The following UNC13C variants were observed in gnomAD, a reference collection of about 807,000 sequenced individuals.
UNC13C encodes the protein unc-13 homolog C, also known as protein unc-13 homolog C.
In UNC13C, 174 loss-of-function variants were observed where a neutral mutation model predicts 245.4. That is an observed-to-expected ratio of 0.71 (90% CI 0.63 to 0.80). UNC13C has a LOEUF of 0.80. UNC13C is among the 30% of genes least tolerant of loss of function. UNC13C has a pLI of 0.00. For synonymous variants in UNC13C, 992 were observed against 895.1 expected, an observed-to-expected ratio of 1.11 and a Z score of -1.93; for missense variants, 2,829 against 2,602.9, an observed-to-expected ratio of 1.09 and a Z score of -1.89.
At chr15:54,606,378 G>A (rs142640754) in intron 30 of UNC13C, among the ~76,000 whole-genome samples, 36 of 152,282 alleles carry the variant, frequency 2.4e-4, no homozygotes, top group African/African-American at 7.5e-4. Flanking sequence ...AGATGCATGT[G>A]TTCCATATTT....
chr15:53,929,285 C>A, the UNC13C span, among the ~76,000 whole-genome samples: 1 of 152,194 alleles, frequency 6.6e-6, no homozygotes, highest in African/African-American at 2.4e-5. Context: ...CCCAGTAGGT[C>A]ACTCCCATGA....
intron 9 of UNC13C, 83 bp downstream of exon 9, chr15:54,264,478 G>T (rs982502115): frequency 1.9e-6 from 2 of 1,075,838 alleles, no homozygotes; most frequent in Admixed American, 5.2e-5. Context: ...AATAATTATA[G>T]GTAAAATAAA....
At chr15:54,296,326 G>A (rs1041744507) in intron 11 of UNC13C, among the ~76,000 whole-genome samples, 1 of 151,204 alleles carries the variant, frequency 6.6e-6, no homozygotes, top group Admixed American at 6.6e-5. Flanking sequence ...TCAGCCTCCC[G>A]AGTAGCTGGG....
rs1265512115 is a variant in UNC13C, at chr15:54,434,125, A to C, written c.4933+19058A>C. On this transcript the variant is annotated intron_variant, in intron 19 of 32. Coordinates refer to ENST00000260323, the MANE Select transcript of UNC13C (RefSeq NM_001080534.3). ...AATAAATTTCATGCTCATGGATACA[A>C]AGAATCAATATCGTGAAAATGGCCA... Among the ~76,000 whole-genome samples the C allele has an allele frequency of 2.0e-5, 3 of 152,332 alleles. No homozygotes were observed. The East Asian group carries it at 5.8e-4, about 29-fold the overall frequency.
intron 30 of UNC13C, among the ~76,000 whole-genome samples, chr15:54,583,308 T>C (rs1205586439): frequency 6.6e-6 from 1 of 152,186 alleles, no homozygotes; most frequent in Non-Finnish European, 1.5e-5. Context: ...CTATTTTTTT[T>C]CCAAATGAGA....
At chr15:54,096,685 G>C (rs1899884139) in intron 2 of UNC13C, among the ~76,000 whole-genome samples, 1 of 152,080 alleles carries the variant, frequency 6.6e-6, no homozygotes, top group South Asian at 2.1e-4. Context: ...ATTTAGAATG[G>C]TCTGGCTCCG....
the UNC13C span, among the ~76,000 whole-genome samples, chr15:53,967,327 T>G: frequency 2.7e-3 from 340 of 124,254 alleles, 2 homozygotes; most frequent in African/African-American, 7.9e-3. Context: ...ACAATTTTTT[T>G]TTTGTTGTTT....
chr15:54,170,618 T>G (rs1004660230), intron 4 of UNC13C, among the ~76,000 whole-genome samples: 35 of 152,172 alleles, frequency 2.3e-4, no homozygotes, highest in African/African-American at 8.0e-4. Context: ...CCATTTCATT[T>G]GAACAGGTTA....
At chr15:54,016,045 T>G (rs1456265121) in intron 2 of UNC13C, among the ~76,000 whole-genome samples, 159 bp downstream of exon 2, 1 of 152,220 alleles carries the variant, frequency 6.6e-6, no homozygotes, top group African/African-American at 2.4e-5. Flanking sequence ...CAGGCAGCTC[T>G]CCTAAGAAGT....
intron 30 of UNC13C, among the ~76,000 whole-genome samples, chr15:54,609,129 T>C (rs761674124): frequency 6.6e-6 from 1 of 152,242 alleles, no homozygotes; most frequent in African/African-American, 2.4e-5. Flanking sequence ...TGCATTGTTG[T>C]CCATAACTAA....
chr15:54,455,201 CTCTCTATA>C lies in UNC13C; in HGVS notation c.4934-39405_4934-39398del, dbSNP rs1212572911. On this transcript the variant is annotated intron_variant, in intron 19 of 32. Transcript: ENST00000260323. ...TCTCTCTCTCTCTCTCTCTCTCTCT[CTCTCTATA>C]TATATATATATATATATATATATAT... 2.0e-3 allele frequency among the ~76,000 whole-genome samples: 65 copies of C among 33,266 alleles called. 1 individual carries two copies. Among genetic ancestry groups the C allele is most frequent in the East Asian group, 9.0e-3 (7 of 780 alleles). The allele number at this position is 33,266 out of a possible 152,430, so 21.8% of individuals were successfully genotyped here. A position where few individuals can be genotyped will look rare whatever the true frequency, so the allele number is the denominator to read the frequency against.
chr15:54,029,717 A>G (rs1896274686), intron 2 of UNC13C, among the ~76,000 whole-genome samples: 1 of 152,232 alleles, frequency 6.6e-6, no homozygotes, highest in Non-Finnish European at 1.5e-5. Flanking sequence ...AGCACTTTGC[A>G]TGCATTTTCC....
At chr15:54,307,609 C>G (rs2037760643) in intron 13 of UNC13C, among the ~76,000 whole-genome samples, 1 of 151,888 alleles carries the variant, frequency 6.6e-6, no homozygotes, top group Non-Finnish European at 1.5e-5. Flanking sequence ...GCTATAAGGG[C>G]ATAGGTATAG....
chr15:54,000,370 G>C (rs2217414), intron 1 of UNC13C, among the ~76,000 whole-genome samples: 72,870 of 151,862 alleles, frequency 0.48, 18,802 homozygotes, highest in Non-Finnish European at 0.58. Context: ...GCTAAGCATT[G>C]TAACTATTCT....
intron 4 of UNC13C, among the ~76,000 whole-genome samples, chr15:54,178,351 A>G (rs951081958): frequency 2.0e-5 from 3 of 152,108 alleles, no homozygotes; most frequent in African/African-American, 7.2e-5. Flanking sequence ...TTCCACGGTA[A>G]TTCTTGGTTT....
chr15:54,405,037 T>C (rs1320331538), intron 18 of UNC13C, among the ~76,000 whole-genome samples: 2 of 152,194 alleles, frequency 1.3e-5, no homozygotes, highest in Non-Finnish European at 1.5e-5. Flanking sequence ...TATTTTCCTG[T>C]CTGTCTCATT....
chr15:54,059,504 A>T (rs553721589), intron 2 of UNC13C, among the ~76,000 whole-genome samples: 1 of 152,238 alleles, frequency 6.6e-6, no homozygotes, highest in East Asian at 1.9e-4. Flanking sequence ...GCTCATGGGT[A>T]GGAAGAATCA....
chr15:54,378,890 A>G (rs2039661757), intron 17 of UNC13C, among the ~76,000 whole-genome samples: 1 of 152,032 alleles, frequency 6.6e-6, no homozygotes, highest in African/African-American at 2.4e-5. Flanking sequence ...TTGAGATGTT[A>G]AAAACCACTT....
At chr15:53,970,885 T>G in the UNC13C span, among the ~76,000 whole-genome samples, 1 of 152,164 alleles carries the variant, frequency 6.6e-6, no homozygotes, top group South Asian at 2.1e-4. Context: ...GAAATGAAAT[T>G]GCTGGATCGT....
Sources: gnomAD v4.1 joint callset for allele counts (sites outside exome capture counted in the v4.1 genomes callset) on GRCh38, gnomAD v4.1.1 for gene constraint, MANE v1.5 for transcripts, NCBI Gene and HGNC (gene_info 2026-07-23, HGNC 2026-07-21) for gene names.